Variants in TPST2 observed in about 807,000 individuals in gnomAD.
TPST2 encodes tyrosylprotein sulfotransferase 2.
A neutral mutation model predicts 27.8 loss-of-function variants in TPST2; 16 were observed. The observed-to-expected ratio is 0.58, with a 90% CI of 0.39 to 0.88. The LOEUF is 0.88. Among genes scored for constraint, TPST2 ranks in the 40% least tolerant of loss-of-function variants. The pLI is 0.00. For missense variants in TPST2, 464 were observed against 543.1 expected (o/e 0.85, Z 1.45); for synonymous variants, 229 against 231.7 (o/e 0.99, Z 0.10).
intron 1 of TPST2, among the ~76,000 whole-genome samples, chr22:26,584,939 G>T (rs977888008): frequency 6.6e-6 from 1 of 152,112 alleles, no homozygotes; most frequent in Non-Finnish European, 1.5e-5. Context: ...GTTCACAAAC[G>T]AACATGTTCA....
intron 1 of TPST2, among the ~76,000 whole-genome samples, chr22:26,562,208 G>A (rs1045186551): frequency 6.6e-6 from 1 of 152,216 alleles, no homozygotes; most frequent in Non-Finnish European, 1.5e-5. Context: ...CCTTTGCTGT[G>A]TGACCTTGGG....
In TPST2 at chr22:26,540,788, CT is replaced by C; in HGVS notation, c.842del (p.Lys281ArgfsTer69). The C allele has an allele frequency of 1.3e-6, 2 of 1,576,022 alleles. No homozygotes were observed. Among genetic ancestry groups the C allele is most frequent in the Non-Finnish European group, 1.7e-6 (2 of 1,157,650 alleles). Reference protein sequence around the residue: ...IGKPGGVSLSKIERSTDQVIK... With the variant: ...IGKPGGVSLSXIERSTDQVIK... The stretch of plus-strand genomic sequence containing the variant: ...GTGGAAGCATCAGGGGCTCCACTCA[CT>C]TGGACAGGGAGACACCACCGGGCTT... On this transcript the variant is annotated frameshift_variant and splice_region_variant, in exon 3 of 7. Coordinates refer to ENST00000338754, the MANE Select transcript of TPST2 (RefSeq NM_003595.5). LOFTEE classifies it high-confidence loss of function.
At chr22:26,545,125 G>A (rs1926050242) in intron 1 of TPST2, among the ~76,000 whole-genome samples, 1 of 152,150 alleles carries the variant, frequency 6.6e-6, no homozygotes, top group African/African-American at 2.4e-5. Context: ...GGTACCACAG[G>A]CCCAGCCTAC....
At chr22:26,545,794 G>T (rs1419492503) in intron 1 of TPST2, among the ~76,000 whole-genome samples, 1 of 152,134 alleles carries the variant, frequency 6.6e-6, no homozygotes, top group Non-Finnish European at 1.5e-5. Context: ...TTAAATCTCA[G>T]CCAGGCCTGG....
intron 3 of TPST2, among the ~76,000 whole-genome samples, chr22:26,538,054 TG>T (rs1346471766): frequency 6.6e-6 from 1 of 152,204 alleles, no homozygotes; most frequent in African/African-American, 2.4e-5. Flanking sequence ...GCCACCTGAA[TG>T]ATGCAGATCT....
At chr22:26,569,995 G>A (rs1423055302) in intron 1 of TPST2, among the ~76,000 whole-genome samples, 1 of 13,456 alleles carries the variant, frequency 7.4e-5, no homozygotes, top group Non-Finnish European at 1.3e-4. Flanking sequence ...GAAAGAAAAA[G>A]AAAGAAAGAA....
intron 1 of TPST2, among the ~76,000 whole-genome samples, chr22:26,562,987 C>A (rs1285823434): frequency 2.0e-5 from 3 of 152,174 alleles, no homozygotes; most frequent in Non-Finnish European, 4.4e-5. Flanking sequence ...GTAGAGCCCA[C>A]GGATGCTGCT....
chr22:26,589,528 G>A (rs1240391766), intron 1 of TPST2, among the ~76,000 whole-genome samples: 1 of 152,082 alleles, frequency 6.6e-6, no homozygotes, highest in Non-Finnish European at 1.5e-5. Flanking sequence ...AAGTTCACTA[G>A]GGCTCCCCAA....
intron 1 of TPST2, among the ~76,000 whole-genome samples, chr22:26,552,500 C>A (rs6005078): frequency 0.39 from 59,109 of 151,882 alleles, 12,329 homozygotes; most frequent in African/African-American, 0.54. Context: ...ATGCCAGAAC[C>A]CAAACTGTTT....
At chr22:26,566,764 TAAACAAAC>T (rs149108718) in intron 1 of TPST2, among the ~76,000 whole-genome samples, 3 of 151,504 alleles carry the variant, frequency 2.0e-5, no homozygotes, top group South Asian at 4.2e-4. Context: ...AGTCAGTAAA[TAAACAAAC>T]AAACAAACAA....
rs796095770 is a variant in TPST2, at chr22:26,541,348, G to A, written c.283C>T (p.Arg95Cys). The change falls in exon 3 of 7, where the codon CGC becomes TGC. Residue 95 changes from arginine (R) to cysteine (C), a missense_variant. Coordinates refer to ENST00000338754, the MANE Select transcript of TPST2 (RefSeq NM_003595.5). The surrounding 1 kb of genome is among the most constrained non-coding windows in gnomAD (Gnocchi z 5.9). ...ATGATGCGGGTCTCCTCGCCGCAGC[G>A]CACCTCGGGGTGCGCGTCCAGCATG... Reference protein sequence around the residue: ...RAMLDAHPEVRCGEETRIIPR... With the variant: ...RAMLDAHPEVCCGEETRIIPR... The A allele has an allele frequency of 4.5e-6, 7 of 1,550,578 alleles. No homozygotes were observed. Among genetic ancestry groups the A allele is most frequent in the East Asian group, 2.3e-5 (1 of 44,218 alleles).
intron 3 of TPST2, among the ~76,000 whole-genome samples, chr22:26,539,440 G>A (rs1387409712): frequency 6.6e-6 from 1 of 152,094 alleles, no homozygotes. Context: ...ATGAGGGGGA[G>A]TGAAGGGGAG....
chr22:26,535,792 C>CA (rs1177640051), intron 4 of TPST2: 42 of 315,654 alleles, frequency 1.3e-4, no homozygotes, highest in South Asian at 1.2e-3. Flanking sequence ...CAGTACAAAA[C>CA]AAAAAAGTCA....
At chr22:26,550,744 C>G in intron 1 of TPST2, 1 of 776,482 alleles carries the variant, frequency 1.3e-6, no homozygotes, top group East Asian at 1.3e-4. Flanking sequence ...CTCCCACCCA[C>G]CACGCCTCAA....
chr22:26,552,482 G>T (rs1169229254), intron 1 of TPST2, among the ~76,000 whole-genome samples: 1 of 152,044 alleles, frequency 6.6e-6, no homozygotes, highest in African/African-American at 2.4e-5. Context: ...TGAAACTCAG[G>T]CTATCTGATG....
chr22:26,531,737 G>A (rs1478797019), intron 5 of TPST2, among the ~76,000 whole-genome samples: 1 of 152,136 alleles, frequency 6.6e-6, no homozygotes, highest in African/African-American at 2.4e-5. Flanking sequence ...ACAGATTAAG[G>A]GCCCAGTTCC....
At chr22:26,588,199 T>TAAAAAAA (rs34033548) in intron 1 of TPST2, among the ~76,000 whole-genome samples, 1 of 145,242 alleles carries the variant, frequency 6.9e-6, no homozygotes, top group African/African-American at 2.5e-5. Flanking sequence ...ACGAAGTACT[T>TAAAAAAA]AAAAAAAAAA....
At chr22:26,529,869 A>C (rs752513483) in intron 5 of TPST2, among the ~76,000 whole-genome samples, 8 of 140,994 alleles carry the variant, frequency 5.7e-5, no homozygotes, top group Non-Finnish European at 1.1e-4. Flanking sequence ...CCTTGAATTT[A>C]AAAAAAAAAA....
chr22:26,570,517 G>A (rs1927589029), intron 1 of TPST2, among the ~76,000 whole-genome samples: 1 of 152,082 alleles, frequency 6.6e-6, no homozygotes, highest in South Asian at 2.1e-4. Context: ...AGCCATTCTG[G>A]CACAGGTATC....
Sources: gnomAD v4.1 joint callset for allele counts (sites outside exome capture counted in the v4.1 genomes callset) on GRCh38, gnomAD v4.1.1 for gene constraint, Gnocchi (gnomAD v3.1) non-coding constraint, MANE v1.5 for transcripts, NCBI Gene and HGNC (gene_info 2026-07-23, HGNC 2026-07-21) for gene names.